Variants in SMAD7 observed in about 807,000 individuals in gnomAD.
SMAD7 encodes the protein SMAD family member 7.
In SMAD7, 8 loss-of-function variants were observed where a neutral mutation model predicts 38.7. That is an observed-to-expected ratio of 0.21 (90% CI 0.12 to 0.37). The LOEUF is 0.37. Ranked by LOEUF, SMAD7 falls within the 10% of genes least tolerant of loss-of-function variation. The pLI, the probability that SMAD7 is intolerant of heterozygous loss-of-function variation, is 1.00. For synonymous variants in SMAD7, 327 were observed against 265.1 expected (o/e 1.23, Z -2.27); for missense variants, 477 against 577.9 (o/e 0.83, Z 1.79).
chr18:48,942,852 A>T, intron 2 of SMAD7: 8 of 1,142,488 alleles, frequency 7.0e-6, no homozygotes, highest in Non-Finnish European at 8.8e-6. Context: ...TACGGATACC[A>T]GGTGGTTCCC....
At chr18:48,929,208 C>T (rs1210256867) in intron 3 of SMAD7, among the ~76,000 whole-genome samples, 1 of 152,168 alleles carries the variant, frequency 6.6e-6, no homozygotes, top group Non-Finnish European at 1.5e-5. Flanking sequence ...CCCACTGTTA[C>T]CCCCCAAGTA....
intron 3 of SMAD7, among the ~76,000 whole-genome samples, chr18:48,941,538 A>G (rs575664118): frequency 5.5e-4 from 84 of 152,348 alleles, no homozygotes; most frequent in African/African-American, 1.9e-3. Context: ...AACAGGGCAC[A>G]GCTTCTATTC....
intron 3 of SMAD7, among the ~76,000 whole-genome samples, chr18:48,932,616 T>G (rs2070015766): frequency 6.6e-6 from 1 of 152,144 alleles, no homozygotes; most frequent in South Asian, 2.1e-4. Context: ...CCACAGAGCT[T>G]GGAAGCCATC....
intron 3 of SMAD7, among the ~76,000 whole-genome samples, chr18:48,936,614 G>C (rs1424771745): frequency 6.6e-6 from 1 of 152,240 alleles, no homozygotes; most frequent in Non-Finnish European, 1.5e-5. Context: ...AGGGATTTTA[G>C]TGTGCGAGCA....
chr18:48,926,984 C>A (rs1300180437), intron 3 of SMAD7, among the ~76,000 whole-genome samples: 3 of 152,158 alleles, frequency 2.0e-5, no homozygotes, highest in Non-Finnish European at 4.4e-5. Flanking sequence ...TTTCAATAGG[C>A]GAATCCCTCC....
chr18:48,937,264 ATG>A (rs71165354), intron 3 of SMAD7, among the ~76,000 whole-genome samples: 2,972 of 119,768 alleles, frequency 0.025, 52 homozygotes, highest in East Asian at 0.066. Context: ...AAGTAAAGGC[ATG>A]TGTGTGTGTG....
chr18:48,926,161 A>G (rs934614332), intron 3 of SMAD7, among the ~76,000 whole-genome samples: 1 of 152,242 alleles, frequency 6.6e-6, no homozygotes, highest in Non-Finnish European at 1.5e-5. Flanking sequence ...CTGAAGGCAG[A>G]GGGCAGAGAG....
intron 3 of SMAD7, among the ~76,000 whole-genome samples, chr18:48,932,232 G>A (rs2070011054): frequency 6.6e-6 from 1 of 152,118 alleles, no homozygotes; most frequent in Admixed American, 6.5e-5. Flanking sequence ...GCTTCATGAG[G>A]TGACTGGAAG....
intron 2 of SMAD7, among the ~76,000 whole-genome samples, chr18:48,946,049 T>C (rs1047371503): frequency 1.3e-5 from 2 of 152,174 alleles, no homozygotes; most frequent in Admixed American, 6.5e-5. Flanking sequence ...GCTTAAATTA[T>C]AGCAAAATGG....
intron 3 of SMAD7, among the ~76,000 whole-genome samples, chr18:48,935,160 A>G (rs2070049751): frequency 6.6e-6 from 1 of 152,202 alleles, no homozygotes; most frequent in South Asian, 2.1e-4. Context: ...CACAGAGAGA[A>G]ACAGAGAGGC....
At chr18:48,949,709 C>T (rs772162139) in intron 1 of SMAD7, 103 bp downstream of exon 1, 6 of 1,299,328 alleles carry the variant, frequency 4.6e-6, no homozygotes, top group Non-Finnish European at 6.3e-6. Context: ...AGGGTATGCA[C>T]ACTCCCCCTG....
At chr18:48,925,945 A>G (rs1599221030) in intron 3 of SMAD7, among the ~76,000 whole-genome samples, 1 of 152,052 alleles carries the variant, frequency 6.6e-6, no homozygotes, top group Admixed American at 6.5e-5. Context: ...ACAGGGTTTC[A>G]CCGTGTTAGC....
chr18:48,950,014 G>T lies in SMAD7; in HGVS notation c.411C>A (p.Gly137=). ...GCTGCGCGCCGGCGGGCGCCCCCGG[G>T]CCCAGCCTGCAGTCCAGGCGGCCGG... ...LLPGRLDCRL[G]PGAPAGAQPA... Residue 137 remains glycine, a synonymous_variant, in exon 1 of 4, where the codon GGC becomes GGA. Transcript: ENST00000262158. 6.4e-7 allele frequency: 1 copy of T among 1,565,412 alleles called. No individual in the cohort carries two copies. Among genetic ancestry groups the T allele is most frequent in the Non-Finnish European group, 8.6e-7 (1 of 1,157,792 alleles).
intron 3 of SMAD7, among the ~76,000 whole-genome samples, chr18:48,933,260 A>G (rs546844590): frequency 1.7e-4 from 26 of 151,974 alleles, no homozygotes; most frequent in South Asian, 1.0e-3. Flanking sequence ...TCCCCCACCT[A>G]TGGCCTGGCT....
At chr18:48,922,751 C>T (rs576290758) in intron 3 of SMAD7, among the ~76,000 whole-genome samples, 1 of 152,058 alleles carries the variant, frequency 6.6e-6, no homozygotes, top group Non-Finnish European at 1.5e-5. Flanking sequence ...TCTGCCGGCA[C>T]CCCCATCCCC....
chr18:48,931,427 G>A (rs777309936), intron 3 of SMAD7, among the ~76,000 whole-genome samples: 1 of 152,166 alleles, frequency 6.6e-6, no homozygotes, highest in South Asian at 2.1e-4. Flanking sequence ...GGGATTCCAC[G>A]GGTGGGACTG....
At chr18:48,931,597 C>A (rs549093026) in intron 3 of SMAD7, among the ~76,000 whole-genome samples, 1 of 152,362 alleles carries the variant, frequency 6.6e-6, no homozygotes, top group Non-Finnish European at 1.5e-5. Flanking sequence ...TGGAAGCAGT[C>A]TTTGGCTTCC....
In SMAD7 at chr18:48,921,915, A is replaced by G; in HGVS notation, c.743-5T>C. On this transcript the variant is annotated splice_polypyrimidine_tract_variant and splice_region_variant and intron_variant, in intron 3 of 3. Coordinates refer to ENST00000262158, the MANE Select transcript of SMAD7 (RefSeq NM_005904.4). The surrounding 1 kb of genome is among the most constrained non-coding windows in gnomAD (Gnocchi z 6.4). The stretch of plus-strand genomic sequence containing the variant: ...GCTCCAGAAGAAGTTGGGAATCTAG[A>G]AAACACATTGGCAGAGAGGGTTAGT... The G allele has an allele frequency of 6.3e-7, 1 of 1,593,926 alleles. No individual in the cohort carries two copies. Among genetic ancestry groups the G allele is most frequent in the Non-Finnish European group, 8.5e-7 (1 of 1,174,246 alleles).
chr18:48,948,427 G>A lies in SMAD7; in HGVS notation c.624C>T (p.Pro208=), dbSNP rs145686330. 1,584 of 1,595,338 alleles carry A rather than the reference G, an allele frequency of 9.9e-4. 6 individuals carry two copies. The highest frequency in any genetic ancestry group is 2.3e-3 in the Middle Eastern group (14 of 6,006). Residue 208 remains proline (P), a synonymous_variant, in exon 2 of 4, where the codon CCC becomes CCT. Transcript: ENST00000262158. ...CCATCGGGTATCTGGAGTAAGGAGGGGGGGGAGACTCTGAAATTAAAAAAG... is the reference window on the plus strand; with the variant it reads ...CCATCGGGTATCTGGAGTAAGGAGGAGGGGGAGACTCTGAAATTAAAAAAG... ...LSRLCELESP[P]PPYSRYPMDF... is the part of the protein sequence containing the mutation.
Sources: allele counts gnomAD v4.1 joint callset (sites outside exome capture counted in the v4.1 genomes callset), GRCh38; gene constraint gnomAD v4.1.1; non-coding constraint Gnocchi (gnomAD v3.1); transcripts MANE v1.5; gene names NCBI Gene and HGNC (gene_info 2026-07-23, HGNC 2026-07-21).